MICAL2: variants seen among roughly 807,000 people sequenced by gnomAD.
MICAL2 encodes microtubule associated monooxygenase, calponin and LIM domain containing 2, also known as [F-actin]-monooxygenase MICAL2.
A neutral mutation model predicts 127.3 loss-of-function variants in MICAL2; 77 were observed. The ratio of observed to expected loss-of-function variants is 0.60; its 90% CI spans 0.50 to 0.73. The LOEUF is 0.73. Among genes scored for constraint, MICAL2 ranks in the 30% least tolerant of loss-of-function variants. The probability of loss-of-function intolerance (pLI) is 0.00; values close to 1 mark genes in which losing one functional copy is unlikely to be tolerated. For synonymous variants in MICAL2, 570 were observed against 551.1 expected (o/e 1.03, Z -0.48); for missense variants, 1,351 against 1,434.4 (o/e 0.94, Z 0.94).
rs891740213 is a variant in MICAL2, at chr11:12,262,623, G to A, written c.*17+86G>A. The A allele has an allele frequency of 1.4e-5, 16 of 1,139,922 alleles. No individual in the cohort carries two copies. In the African/African-American group the frequency reaches 2.4e-4, roughly 17 times the overall value. 70.6% of individuals were successfully genotyped at this position (1,139,922 alleles called of 1,614,324 possible). A position where few individuals can be genotyped will look rare whatever the true frequency, so the allele number is the denominator to read the frequency against. ...CCCCGTCCTCTCCGCCAGCAGTACT[G>A]GTTGCACTAACTGTGAGTGTCTTGC... On this transcript the variant is annotated intron_variant, in intron 27 of 27. Coordinates refer to ENST00000683283, the MANE Select transcript of MICAL2 (RefSeq NM_001282663.2).
intron 14 of MICAL2, 93 bp downstream of exon 14, chr11:12,226,463 C>G: frequency 2.3e-6 from 3 of 1,311,186 alleles, no homozygotes; most frequent in Non-Finnish European, 3.2e-6. Context: ...ATGGTCTGTT[C>G]TGGGGCTGCC....
chr11:12,232,093 C>T (rs905100452), intron 15 of MICAL2, among the ~76,000 whole-genome samples: 7 of 152,276 alleles, frequency 4.6e-5, no homozygotes, highest in East Asian at 3.9e-4. Flanking sequence ...GGTCTGAGCA[C>T]GATGTCTGGC....
intron 3 of MICAL2, among the ~76,000 whole-genome samples, chr11:12,190,775 G>A (rs1261890803): frequency 6.6e-6 from 1 of 152,198 alleles, no homozygotes; most frequent in Non-Finnish European, 1.5e-5. Context: ...ATTTGGGTTT[G>A]AAACTTAGCT....
At chr11:12,235,667 C>G (rs146346079) in intron 15 of MICAL2, among the ~76,000 whole-genome samples, 1,631 of 152,220 alleles carry the variant, frequency 0.011, 34 homozygotes, top group African/African-American at 0.035. Flanking sequence ...TCATTTGAGC[C>G]CTGAGAGTCC....
At chr11:12,358,657 A>C (rs1472076547), downstream of MICAL2, 3 of 509,666 alleles carry the variant, frequency 5.9e-6, no homozygotes, top group African/African-American at 5.8e-5. Flanking sequence ...GTTCTTCCAG[A>C]GATTCAAATG....
At chr11:12,111,932 G>A (rs574397803) in intron 1 of MICAL2, among the ~76,000 whole-genome samples, 3 of 152,310 alleles carry the variant, frequency 2.0e-5, no homozygotes, top group African/African-American at 4.8e-5. Context: ...CTCTAATACC[G>A]TAAGAACTCA....
intron 2 of MICAL2, among the ~76,000 whole-genome samples, chr11:12,281,378 G>T (rs914105249): frequency 3.9e-5 from 6 of 152,146 alleles, no homozygotes; most frequent in Non-Finnish European, 7.4e-5. Flanking sequence ...AGGGATCAGG[G>T]GCCCGCAGGT....
chr11:12,267,689 C>T (rs1475541656), downstream of MICAL2, among the ~76,000 whole-genome samples: 1 of 152,202 alleles, frequency 6.6e-6, no homozygotes, highest in East Asian at 1.9e-4. Context: ...GCAAACTTCA[C>T]CTCCTGGATT....
intron 2 of MICAL2, among the ~76,000 whole-genome samples, chr11:12,142,459 T>C (rs1304867348): frequency 3.9e-5 from 6 of 152,198 alleles, no homozygotes; most frequent in Non-Finnish European, 8.8e-5. Flanking sequence ...ATGAGCGTTG[T>C]TGCTAAGCAG....
chr11:12,226,748 G>A (rs1857525510), intron 14 of MICAL2, among the ~76,000 whole-genome samples: 5 of 150,686 alleles, frequency 3.3e-5, no homozygotes. Flanking sequence ...TGCCTCCTGG[G>A]TTCACGCCAT....
chr11:12,345,219 A>G (rs1938935680), intron 32 of MICAL2, among the ~76,000 whole-genome samples: 1 of 152,252 alleles, frequency 6.6e-6, no homozygotes, highest in Admixed American at 6.5e-5. Flanking sequence ...AAGCTGTGAA[A>G]AACAAATGTC....
Position 12,249,247 on chromosome 11 carries a change from G to GGAGGCTCTAACTCACC in MICAL2, c.2847+1_2847+2insGAGGCTCTAACTCACC. 1 of 1,509,680 alleles carries GGAGGCTCTAACTCACC rather than the reference G, an allele frequency of 6.6e-7. No homozygotes were observed. Among genetic ancestry groups the GGAGGCTCTAACTCACC allele is most frequent in the Non-Finnish European group, 9.2e-7 (1 of 1,084,658 alleles). The allele number at this position is 1,509,680 out of a possible 1,614,324, so 93.5% of individuals were successfully genotyped here. A position where few individuals can be genotyped will look rare whatever the true frequency, so the allele number is the denominator to read the frequency against. On this transcript the variant is annotated splice_donor_variant, in intron 22 of 27. Transcript: ENST00000683283. LOFTEE classifies it high-confidence loss of function. Reference sequence around the variant, plus strand: ...CCATTTGAGAACAGTGCATCCTCAGGTGAGTTAGAGCCTCCCTGAACTTCA... The same window carrying GGAGGCTCTAACTCACC: ...CCATTTGAGAACAGTGCATCCTCAGGGAGGCTCTAACTCACCTGAGTTAGAGCCTCCCTGAACTTCA...
At chr11:12,222,478 G>A (rs1856938290) in intron 10 of MICAL2, 139 bp from the exon 11 acceptor site, 1 of 1,160,458 alleles carries the variant, frequency 8.6e-7, no homozygotes, top group Non-Finnish European at 1.2e-6. Flanking sequence ...AACCAGGAGA[G>A]TCAGGTATTT....
intron 2 of MICAL2, among the ~76,000 whole-genome samples, chr11:12,155,557 TACAC>T (rs1479648542): frequency 1.3e-5 from 2 of 152,112 alleles, no homozygotes; most frequent in African/African-American, 2.4e-5. Flanking sequence ...CACACATACA[TACAC>T]ACATGCACAC....
Position 12,243,961 on chromosome 11 carries a change from G to T in MICAL2, c.2659-26G>T, listed in dbSNP as rs758740185. 2.5e-6 allele frequency: 4 copies of T among 1,612,678 alleles called. No individual in the cohort carries two copies. The African/African-American group carries it at 4.0e-5, about 16-fold the overall frequency. On this transcript the variant is annotated intron_variant, in intron 20 of 27. Transcript: ENST00000683283. ...ATGTGTGACTCCTGGGATAATCCTT[G>T]TTTCTTCTATTTCTGTTCTGTGCAG...
chr11:12,345,398 C>T (rs771194134), intron 32 of MICAL2, among the ~76,000 whole-genome samples: 3 of 152,200 alleles, frequency 2.0e-5, no homozygotes, highest in Non-Finnish European at 4.4e-5. Flanking sequence ...CATATAGAGT[C>T]GGCTTCATCC....
intron 2 of MICAL2, among the ~76,000 whole-genome samples, chr11:12,284,090 A>G (rs1863798682): frequency 6.6e-6 from 1 of 152,218 alleles, no homozygotes; most frequent in South Asian, 2.1e-4. Flanking sequence ...AGATGAATTC[A>G]TTGTGAAATC....
At chr11:12,279,727 C>T (rs1029170202) in intron 1 of MICAL2, among the ~76,000 whole-genome samples, 1 of 152,228 alleles carries the variant, frequency 6.6e-6, no homozygotes, top group Non-Finnish European at 1.5e-5. Flanking sequence ...GCTGTCTCCA[C>T]ACATGGAACT....
chr11:12,329,781 T>G (rs192447991), intron 32 of MICAL2, among the ~76,000 whole-genome samples: 51 of 151,228 alleles, frequency 3.4e-4, no homozygotes, highest in Admixed American at 1.9e-3. Flanking sequence ...AGAATTTGTC[T>G]AATTTTTACT....
Sources: allele counts gnomAD v4.1 joint callset (sites outside exome capture counted in the v4.1 genomes callset), GRCh38; gene constraint gnomAD v4.1.1; transcripts MANE v1.5; gene names NCBI Gene and HGNC (gene_info 2026-07-23, HGNC 2026-07-21).